Variants in DCDC1 observed in about 807,000 individuals in gnomAD.
DCDC1 encodes doublecortin domain containing 1, also known as doublecortin domain-containing protein 1.
Under a neutral mutation model 178.3 loss-of-function variants are expected in DCDC1, and 200 were observed. The observed-to-expected ratio is 1.12, with a 90% CI of 1.00 to 1.26. DCDC1 has a LOEUF of 1.26. DCDC1 is among the 50% of genes most tolerant of loss of function. DCDC1 has a pLI of 0.00. For synonymous variants in DCDC1, 690 were observed against 604.8 expected (o/e 1.14, Z -2.07); for missense variants, 1,983 against 1,749.2 (o/e 1.13, Z -2.38).
At position 30,939,383 on chromosome 11, in the gene DCDC1, G is replaced by A. The variant is rs116728826; in HGVS notation, c.2716-7431C>T. On this transcript the variant is annotated intron_variant, in intron 21 of 38. Transcript: ENST00000684477. ...CAGGTTGTGAGAAACACACTCACCC[G>A]TCCAAACCCAAAGAATGGACTTAGA... 2.9e-3 allele frequency among the ~76,000 whole-genome samples: 434 copies of A among 152,276 alleles called. 1 individual carries two copies. Among genetic ancestry groups the A allele is most frequent in the African/African-American group, 9.7e-3 (403 of 41,568 alleles).
intron 20 of DCDC1, among the ~76,000 whole-genome samples, chr11:30,972,725 A>G (rs183577239): frequency 6.6e-6 from 1 of 152,360 alleles, no homozygotes; most frequent in African/African-American, 2.4e-5. Context: ...TTGAATGTAA[A>G]TAGATTAAAC....
intron 38 of DCDC1, among the ~76,000 whole-genome samples, chr11:30,867,867 C>T (rs1941141368): frequency 6.6e-6 from 1 of 152,122 alleles, no homozygotes; most frequent in Non-Finnish European, 1.5e-5. Flanking sequence ...ACTTTTAAAG[C>T]TGGGTGCAAC....
intron 38 of DCDC1, among the ~76,000 whole-genome samples, chr11:30,866,680 G>T (rs147970383): frequency 8.1e-4 from 124 of 152,176 alleles, no homozygotes; most frequent in Middle Eastern, 3.4e-3. Context: ...CCTTGATCTT[G>T]GACTTCCAGC....
At chr11:30,986,277 A>G (rs1239406363) in intron 20 of DCDC1, among the ~76,000 whole-genome samples, 1 of 150,614 alleles carries the variant, frequency 6.6e-6, no homozygotes, top group Non-Finnish European at 1.5e-5. Context: ...TTTGTTCAGT[A>G]CCTTTCAAGT....
At position 30,915,527 on chromosome 11, in the gene DCDC1, G is replaced by A; in HGVS notation, c.3637C>T (p.His1213Tyr). ...KSDGSHQRWIHQEDSRTFHLV... is the reference protein window; with the variant it reads ...KSDGSHQRWIYQEDSRTFHLV... ...TGGGATTACCTGCTGTCTTCCTGGT[G>A]TATCCAGCGCTGATGACTACCATCA... Residue 1213 changes from histidine (H) to tyrosine (Y), a missense_variant, in exon 27 of 39, where the codon CAC becomes TAC. Transcript: ENST00000684477. 2 of 1,613,904 alleles carry A rather than the reference G, an allele frequency of 1.2e-6. No homozygotes were observed. The highest frequency in any genetic ancestry group is 1.7e-6 in the Non-Finnish European group (2 of 1,179,830).
intron 1 of DCDC1, among the ~76,000 whole-genome samples, chr11:31,337,596 T>C (rs929529366): frequency 3.9e-5 from 6 of 152,110 alleles, no homozygotes; most frequent in African/African-American, 1.4e-4. Flanking sequence ...GCCCAGGAGA[T>C]TGAGGCTGCA....
intron 20 of DCDC1, among the ~76,000 whole-genome samples, chr11:30,984,656 G>T (rs1454233791): frequency 1.3e-5 from 2 of 152,160 alleles, no homozygotes; most frequent in African/African-American, 4.8e-5. Flanking sequence ...CCAAGGATTT[G>T]CAAACTCTAC....
intron 20 of DCDC1, among the ~76,000 whole-genome samples, chr11:31,016,644 G>A (rs1225957761): frequency 6.6e-6 from 1 of 152,180 alleles, no homozygotes. Context: ...GGACAAAGCA[G>A]TGGGTGGAAT....
chr11:31,292,297 G>A (rs965475952), intron 6 of DCDC1, among the ~76,000 whole-genome samples: 1 of 152,092 alleles, frequency 6.6e-6, no homozygotes, highest in African/African-American at 2.4e-5. Flanking sequence ...AGATACTCAA[G>A]TAAGTACATG....
Position 30,871,816 on chromosome 11 carries a change from T to G in DCDC1, c.*41-6484A>C, listed in dbSNP as rs139974461. 2.0e-4 allele frequency among the ~76,000 whole-genome samples: 31 copies of G among 152,128 alleles called. No individual in the cohort carries two copies. The East Asian group carries it at 6.0e-3, about 30-fold the overall frequency. On this transcript the variant is annotated intron_variant, in intron 38 of 38. Coordinates refer to ENST00000684477, the MANE Select transcript of DCDC1 (RefSeq NM_001387274.1). ...ACATTTCCATTATTTCTAAGGGAAT[T>G]ATAGTGATAAAACATGAGTACACTT...
chr11:31,048,903 A>G (rs1008629426), intron 20 of DCDC1, among the ~76,000 whole-genome samples: 15 of 152,178 alleles, frequency 9.9e-5, no homozygotes, highest in Admixed American at 3.9e-4. Context: ...AGATACACTG[A>G]TGGGCAATTA....
rs764474032 is a variant in DCDC1 at position 30,917,022 on chromosome 11, T to TCCC, written c.3299_3300insGGG (p.Ser1100_His1101insGly). On this transcript the variant is annotated inframe_insertion, in exon 26 of 39. Transcript: ENST00000684477. The stretch of plus-strand genomic sequence containing the variant: ...TCATTCGAAGATGAGCTCTTACGTG[T>TCCC]GAATCTCTATCAAGGTTCAGAAGCA... The TCCC allele has an allele frequency of 3.1e-6, 5 of 1,594,460 alleles. No homozygotes were observed. Among genetic ancestry groups the TCCC allele is most frequent in the Non-Finnish European group, 4.3e-6 (5 of 1,173,384 alleles).
intron 8 of DCDC1, among the ~76,000 whole-genome samples, chr11:31,248,861 G>A (rs1324202199): frequency 6.6e-6 from 1 of 152,058 alleles, no homozygotes; most frequent in Non-Finnish European, 1.5e-5. Context: ...GATAATCTCT[G>A]CTGAGTTGTG....
chr11:31,004,993 G>A (rs533663893), intron 20 of DCDC1, among the ~76,000 whole-genome samples: 80 of 152,156 alleles, frequency 5.3e-4, no homozygotes, highest in African/African-American at 1.8e-3. Flanking sequence ...AACCCACCAC[G>A]CAGAAATTAA....
chr11:30,892,677 C>G lies in DCDC1; in HGVS notation c.5082+141G>C. 3.3e-6 allele frequency: 3 copies of G among 910,768 alleles called. No homozygotes were observed. The East Asian group carries it at 7.8e-5, about 24-fold the overall frequency. 56.4% of individuals were successfully genotyped at this position (910,768 alleles called of 1,614,324 possible). Reference sequence around the variant, plus strand: ...AGTTCATTCAATCATGAGATCAATCCTATGAGGAAAGTACTGTTACTATTT... The same window carrying G: ...AGTTCATTCAATCATGAGATCAATCGTATGAGGAAAGTACTGTTACTATTT... On this transcript the variant is annotated intron_variant, in intron 36 of 38. Transcript: ENST00000684477.
intron 9 of DCDC1, among the ~76,000 whole-genome samples, chr11:31,138,349 T>C (rs908000242): frequency 6.6e-6 from 1 of 152,180 alleles, no homozygotes; most frequent in Non-Finnish European, 1.5e-5. Flanking sequence ...TGCCAACCCA[T>C]GTGTTACAAA....
intron 9 of DCDC1, among the ~76,000 whole-genome samples, chr11:31,162,590 T>C (rs1966407398): frequency 6.6e-6 from 1 of 152,166 alleles, no homozygotes; most frequent in African/African-American, 2.4e-5. Context: ...TTAAAATATC[T>C]TCCTGGCTAA....
At chr11:31,129,231 A>C (rs1200656823) in intron 10 of DCDC1, among the ~76,000 whole-genome samples, 2 of 152,134 alleles carry the variant, frequency 1.3e-5, no homozygotes, top group African/African-American at 2.4e-5. Context: ...TATACATATA[A>C]ATTTCAATTA....
intron 9 of DCDC1, among the ~76,000 whole-genome samples, chr11:31,208,125 TA>T (rs1204063590): frequency 1.3e-5 from 2 of 152,218 alleles, no homozygotes; most frequent in Non-Finnish European, 2.9e-5. Context: ...TGGTTTTACT[TA>T]CTATCTATAT....
Sources: allele counts gnomAD v4.1 joint callset (sites outside exome capture counted in the v4.1 genomes callset), GRCh38; gene constraint gnomAD v4.1.1; transcripts MANE v1.5; gene names NCBI Gene and HGNC (gene_info 2026-07-23, HGNC 2026-07-21).